The following TRDN variants were observed in gnomAD, a reference collection of about 807,000 sequenced individuals.
TRDN encodes the protein triadin.
A neutral mutation model predicts 149.7 loss-of-function variants in TRDN; 161 were observed. The ratio of observed to expected loss-of-function variants is 1.08; its 90% CI spans 0.95 to 1.23. The LOEUF is 1.23. Among genes scored for constraint, TRDN ranks in the 50% most tolerant of loss-of-function variants. The pLI, the probability that TRDN is intolerant of heterozygous loss-of-function variation, is 0.00. For missense variants in TRDN, 896 were observed against 823.5 expected (o/e 1.09, Z -1.08); for synonymous variants, 294 against 250.5 (o/e 1.17, Z -1.64).
chr6:123,619,669 T>C (rs1785279237), intron 1 of TRDN, among the ~76,000 whole-genome samples: 1 of 152,174 alleles, frequency 6.6e-6, no homozygotes, highest in Admixed American at 6.5e-5. Context: ...ACACATGAGA[T>C]GGGAAATCTT....
chr6:123,463,321 G>T (rs1391466642), intron 10 of TRDN, among the ~76,000 whole-genome samples: 1 of 148,744 alleles, frequency 6.7e-6, no homozygotes. Context: ...CTGGGCAGCA[G>T]AGCAAGACTC....
chr6:123,266,127 A>T (rs1349253996), intron 32 of TRDN, among the ~76,000 whole-genome samples: 19 of 118,254 alleles, frequency 1.6e-4, no homozygotes, highest in African/African-American at 6.2e-4. Flanking sequence ...TATATTATAT[A>T]TATTATAATA....
chr6:123,411,317 T>A (rs555984886), intron 12 of TRDN, among the ~76,000 whole-genome samples: 2 of 152,142 alleles, frequency 1.3e-5, no homozygotes, highest in East Asian at 3.9e-4. Context: ...AATGCTGGGA[T>A]TAGAAGCATG....
intron 39 of TRDN, among the ~76,000 whole-genome samples, chr6:123,222,159 C>G (rs1333533457): frequency 6.6e-6 from 1 of 151,388 alleles, no homozygotes; most frequent in Non-Finnish European, 1.5e-5. Context: ...GGGGGTTTTT[C>G]TATAAAACAT....
intron 1 of TRDN, among the ~76,000 whole-genome samples, chr6:123,625,641 T>C (rs1785624579): frequency 6.6e-6 from 1 of 152,126 alleles, no homozygotes; most frequent in Admixed American, 6.6e-5. Flanking sequence ...ATGCTTGAGG[T>C]CATGGATACC....
intron 1 of TRDN, among the ~76,000 whole-genome samples, chr6:123,593,575 A>G (rs1008140476): frequency 1.3e-5 from 2 of 152,202 alleles, no homozygotes; most frequent in African/African-American, 4.8e-5. Context: ...AATCTGTTTA[A>G]GCTTCTCTCT....
Position 123,431,031 on chromosome 6 carries a change from C to G in TRDN, c.1051+7032G>C, listed in dbSNP as rs537299907. Reference sequence around the variant, plus strand: ...CCACTGTTGGAAAATCTCTTATTCTCAAATGTTTAAACAACTATTGTCTTA... The same window carrying G: ...CCACTGTTGGAAAATCTCTTATTCTGAAATGTTTAAACAACTATTGTCTTA... On this transcript the variant is annotated intron_variant, in intron 12 of 40. Coordinates refer to ENST00000334268, the MANE Select transcript of TRDN (RefSeq NM_006073.4). Among the ~76,000 whole-genome samples the G allele has an allele frequency of 7.0e-4, 107 of 152,306 alleles. 2 individuals are homozygous for G. The highest frequency in any genetic ancestry group is 2.4e-3 in the African/African-American group (101 of 41,560).
At position 123,627,754 on chromosome 6, in the gene TRDN, CA is replaced by C. The variant is rs1290247274; in HGVS notation, c.22+8999del. On this transcript the variant is annotated intron_variant, in intron 1 of 40. Coordinates refer to ENST00000334268, the MANE Select transcript of TRDN (RefSeq NM_006073.4). ...ATGTGTTGTTTAGCGTAGCCACCTT[CA>C]TCAATGATCTTAGCTAGATCTTCTG... Among the ~76,000 whole-genome samples, 15 of 152,224 alleles carry C rather than the reference CA, an allele frequency of 9.9e-5. 1 individual carries two copies. Among genetic ancestry groups the C allele is most frequent in the Admixed American group, 9.8e-4 (15 of 15,276 alleles).
At chr6:123,517,234 G>T (rs1460538155) in intron 5 of TRDN, among the ~76,000 whole-genome samples, 1 of 152,082 alleles carries the variant, frequency 6.6e-6, no homozygotes, top group Non-Finnish European at 1.5e-5. Context: ...ACATTTAAGA[G>T]TATGAGAAAT....
At chr6:123,344,826 G>C (rs1780195624) in intron 21 of TRDN, among the ~76,000 whole-genome samples, 1 of 151,940 alleles carries the variant, frequency 6.6e-6, no homozygotes, top group South Asian at 2.1e-4. Flanking sequence ...CATCGTGAGA[G>C]TAAGGTTAGT....
At chr6:123,490,063 C>G (rs946783422) in intron 9 of TRDN, among the ~76,000 whole-genome samples, 7 of 152,082 alleles carry the variant, frequency 4.6e-5, no homozygotes, top group Non-Finnish European at 7.4e-5. Flanking sequence ...AAGCTAGACT[C>G]TAATGATTAG....
intron 20 of TRDN, among the ~76,000 whole-genome samples, chr6:123,364,750 G>A (rs1464019359): frequency 6.6e-6 from 1 of 152,184 alleles, no homozygotes; most frequent in Non-Finnish European, 1.5e-5. Flanking sequence ...TTGAACATAA[G>A]TTGGCCACAC....
chr6:123,506,727 G>A (rs1341244504), intron 7 of TRDN, among the ~76,000 whole-genome samples: 5 of 151,968 alleles, frequency 3.3e-5, no homozygotes, highest in African/African-American at 4.8e-5. Context: ...GACCTCAGGC[G>A]ATCCACCCGC....
chr6:123,361,741 C>A (rs961733427), intron 20 of TRDN, among the ~76,000 whole-genome samples: 4 of 152,126 alleles, frequency 2.6e-5, no homozygotes, highest in Non-Finnish European at 5.9e-5. Flanking sequence ...ATCCCATGAC[C>A]ATCACCTTCC....
chr6:123,423,071 C>T (rs1248717793), intron 12 of TRDN, among the ~76,000 whole-genome samples: 1 of 152,052 alleles, frequency 6.6e-6, no homozygotes, highest in Non-Finnish European at 1.5e-5. Flanking sequence ...TTGTCTTGGG[C>T]TGTCTCGCTG....
At chr6:123,442,761 A>T (rs1330996834) in intron 10 of TRDN, among the ~76,000 whole-genome samples, 1 of 152,138 alleles carries the variant, frequency 6.6e-6, no homozygotes, top group Admixed American at 6.5e-5. Flanking sequence ...TCTTTGAGTA[A>T]ATGCAACTTT....
intron 10 of TRDN, among the ~76,000 whole-genome samples, chr6:123,443,652 G>C (rs1468784979): frequency 2.6e-5 from 4 of 151,920 alleles, no homozygotes; most frequent in African/African-American, 4.8e-5. Flanking sequence ...ATTAGCCAGG[G>C]GTCAAACGTT....
chr6:123,475,251 A>G (rs1423350580), intron 9 of TRDN, among the ~76,000 whole-genome samples: 1 of 149,494 alleles, frequency 6.7e-6, no homozygotes, highest in Non-Finnish European at 1.5e-5. Flanking sequence ...ACAGAAATAC[A>G]AACTACCATC....
intron 38 of TRDN, among the ~76,000 whole-genome samples, chr6:123,245,679 A>G (rs189111668): frequency 2.0e-5 from 3 of 152,242 alleles, no homozygotes; most frequent in Admixed American, 6.5e-5. Flanking sequence ...ACTAGACAGA[A>G]CAACAAGACA....
Sources: gnomAD v4.1 joint callset for allele counts (sites outside exome capture counted in the v4.1 genomes callset) on GRCh38, gnomAD v4.1.1 for gene constraint, MANE v1.5 for transcripts, NCBI Gene and HGNC (gene_info 2026-07-23, HGNC 2026-07-21) for gene names.